SEC24D: variants seen among roughly 807,000 people sequenced by gnomAD.
The protein encoded by SEC24D is protein transport protein Sec24D.
In SEC24D, 69 loss-of-function variants were observed where a neutral mutation model predicts 116.9. The observed-to-expected ratio is 0.59, with a 90% CI of 0.49 to 0.72. SEC24D has a LOEUF of 0.72. Ranked by LOEUF, SEC24D falls within the 30% of genes least tolerant of loss-of-function variation. SEC24D has a pLI of 0.00. For missense variants in SEC24D, 1,131 were observed against 1,264.1 expected (o/e 0.89, Z 1.60); for synonymous variants, 405 against 442.8 (o/e 0.91, Z 1.07).
intron 13 of SEC24D, among the ~76,000 whole-genome samples, chr4:118,748,996 G>A (rs986517623): frequency 1.3e-5 from 2 of 151,432 alleles, no homozygotes; most frequent in African/African-American, 4.9e-5. Flanking sequence ...ACCACTAAAG[G>A]CCATTTTCTT....
At chr4:118,778,737 T>C (rs1728261778) in intron 8 of SEC24D, among the ~76,000 whole-genome samples, 1 of 152,246 alleles carries the variant, frequency 6.6e-6, no homozygotes, top group Non-Finnish European at 1.5e-5. Flanking sequence ...CCCATGAGCA[T>C]GGAATGTTCT....
chr4:118,815,183 G>A (rs1289014614), intron 5 of SEC24D, 28 bp from the exon 6 acceptor site: 2 of 1,612,912 alleles, frequency 1.2e-6, no homozygotes, highest in Non-Finnish European at 1.7e-6. Context: ...AAAGAGAAAT[G>A]ACTATCATCC....
intron 15 of SEC24D, 38 bp downstream of exon 15, chr4:118,743,950 G>A (rs778567331): frequency 2.1e-5 from 32 of 1,543,390 alleles, no homozygotes; most frequent in Non-Finnish European, 2.7e-5. Flanking sequence ...ATTAAAATGG[G>A]AGTAGAAGAC....
At chr4:118,728,460 A>T in intron 22 of SEC24D, 101 bp downstream of exon 22, 1 of 691,462 alleles carries the variant, frequency 1.4e-6, no homozygotes, top group Non-Finnish European at 2.4e-6. Context: ...GTGAGTTTTT[A>T]AAATCAAAGA....
At chr4:118,811,875 A>C (rs1225642706) in intron 6 of SEC24D, among the ~76,000 whole-genome samples, 3 of 152,244 alleles carry the variant, frequency 2.0e-5, no homozygotes, top group Non-Finnish European at 2.9e-5. Flanking sequence ...ATATAGAATA[A>C]GTGACAGATT....
At position 118,726,787 on chromosome 4, in the gene SEC24D, T is replaced by G. The variant is rs115576791; in HGVS notation, c.2958+1774A>C. On this transcript the variant is annotated intron_variant, in intron 22 of 22. Coordinates refer to ENST00000280551, the MANE Select transcript of SEC24D (RefSeq NM_014822.4). ...TACTGTGGTAGAAATCTTTTTTTGT[T>G]GTTGTTCCCCACAGAGAATAATCTG... 9.5e-3 allele frequency among the ~76,000 whole-genome samples: 1,450 copies of G among 152,276 alleles called. 17 individuals are homozygous for G. The highest frequency in any genetic ancestry group is 0.033 in the African/African-American group (1,386 of 41,544).
rs368236918 is a variant in SEC24D, at chr4:118,751,981, G to T, written c.1707+15C>A. ...AAAATTTATTTACTAGCAATTAGAAGTGGCTTCTTCTCACCTTTAGTGCTT... is the reference window on the plus strand; with the variant it reads ...AAAATTTATTTACTAGCAATTAGAATTGGCTTCTTCTCACCTTTAGTGCTT... On this transcript the variant is annotated intron_variant, in intron 13 of 22. Coordinates refer to ENST00000280551, the MANE Select transcript of SEC24D (RefSeq NM_014822.4). 15 of 1,533,346 alleles carry T rather than the reference G, an allele frequency of 9.8e-6. No individual in the cohort carries two copies. Among genetic ancestry groups the T allele is most frequent in the Non-Finnish European group, 1.3e-5 (15 of 1,111,888 alleles). 95.0% of individuals were successfully genotyped at this position (1,533,346 alleles called of 1,614,324 possible).
intron 8 of SEC24D, among the ~76,000 whole-genome samples, chr4:118,795,646 A>C (rs1729146647): frequency 6.6e-6 from 1 of 152,216 alleles, no homozygotes; most frequent in Admixed American, 6.5e-5. Context: ...GAGTAAGAGA[A>C]CCTTTGTACA....
chr4:118,771,829 A>C (rs1477576397), intron 8 of SEC24D, among the ~76,000 whole-genome samples: 1 of 152,168 alleles, frequency 6.6e-6, no homozygotes, highest in African/African-American at 2.4e-5. Flanking sequence ...GGGTAACTTT[A>C]ACATTTGTAC....
intron 13 of SEC24D, among the ~76,000 whole-genome samples, chr4:118,749,999 G>A (rs1340287111): frequency 6.6e-6 from 1 of 152,170 alleles, no homozygotes; most frequent in African/African-American, 2.4e-5. Flanking sequence ...ATCCTGAGTT[G>A]TTATATATTT....
At chr4:118,772,087 A>G (rs1727930353) in intron 8 of SEC24D, among the ~76,000 whole-genome samples, 1 of 152,184 alleles carries the variant, frequency 6.6e-6, no homozygotes, top group African/African-American at 2.4e-5. Flanking sequence ...CATCATGAAA[A>G]ATCTGTATCA....
At chr4:118,801,762 C>T (rs185579079) in intron 7 of SEC24D, among the ~76,000 whole-genome samples, 34 of 152,120 alleles carry the variant, frequency 2.2e-4, no homozygotes, top group African/African-American at 7.0e-4. Context: ...ACAAATGCTT[C>T]GTATAGGAAG....
chr4:118,740,549 G>C, intron 17 of SEC24D, 114 bp downstream of exon 17: 2 of 1,187,476 alleles, frequency 1.7e-6, no homozygotes, highest in South Asian at 3.1e-5. Context: ...TTTGGAGAAA[G>C]AGTTGAATTT....
chr4:118,784,823 C>G (rs1258446285), intron 8 of SEC24D, among the ~76,000 whole-genome samples: 1 of 136,966 alleles, frequency 7.3e-6, no homozygotes, highest in African/African-American at 2.8e-5. Flanking sequence ...TTGAGAGAAA[C>G]ACTGGAGTGG....
chr4:118,731,417 T>C lies in SEC24D; in HGVS notation c.2767A>G (p.Asn923Asp). The change falls in exon 21 of 23, where the codon AAT (asparagine) becomes GAT (aspartate). Residue 923 changes from asparagine to aspartate, a missense_variant. Asn to Asp is a conservative substitution (Grantham distance 23). Transcript: ENST00000280551. ...AACCACAGGAACATGTGTAGACCAT[T>C]AGCCAGTAAGAATATTCCTTCTTCT... ...LSEEGIFLLA[N>D]GLHMFLWLGV... 1.2e-6 allele frequency: 2 copies of C among 1,614,070 alleles called. No homozygotes were observed. The highest frequency in any genetic ancestry group is 1.7e-6 in the Non-Finnish European group (2 of 1,179,910).
At chr4:118,748,458 T>C (rs187074374) in intron 13 of SEC24D, among the ~76,000 whole-genome samples, 1 of 152,324 alleles carries the variant, frequency 6.6e-6, no homozygotes, top group East Asian at 1.9e-4. Flanking sequence ...AAAGATAAAG[T>C]TCCTATGTAT....
At chr4:118,809,409 G>A (rs1016139667) in intron 6 of SEC24D, among the ~76,000 whole-genome samples, 3 of 152,112 alleles carry the variant, frequency 2.0e-5, no homozygotes, top group Non-Finnish European at 2.9e-5. Context: ...TAAGCACCTC[G>A]CTCAGGACTG....
rs568690192 is a variant in SEC24D, at chr4:118,731,666, C to T, written c.2677-159G>A. ...TCCAGTCATTAGAAAATAATCCCTA[C>T]CTTGCACAGCAAATGGTTTTGTGCA... is the stretch of plus-strand genomic sequence containing the variant. On this transcript the variant is annotated intron_variant, in intron 20 of 22. Transcript: ENST00000280551. Among the ~76,000 whole-genome samples, 5 of 152,212 alleles carry T rather than the reference C, an allele frequency of 3.3e-5. No homozygotes were observed. The South Asian group carries it at 1.0e-3, about 32-fold the overall frequency.
chr4:118,745,923 C>T (rs1337741101), intron 13 of SEC24D, among the ~76,000 whole-genome samples: 3 of 152,048 alleles, frequency 2.0e-5, no homozygotes, highest in African/African-American at 4.8e-5. Context: ...CGCCTGTAAT[C>T]CCAACACCTT....
Sources: allele counts gnomAD v4.1 joint callset (sites outside exome capture counted in the v4.1 genomes callset), GRCh38; gene constraint gnomAD v4.1.1; transcripts MANE v1.5; gene names NCBI Gene and HGNC (gene_info 2026-07-23, HGNC 2026-07-21).